Variants in VWA5B2 observed in about 807,000 individuals in gnomAD.
VWA5B2 encodes the protein von Willebrand factor A domain-containing protein 5B2.
VWA5B2 carries 93 observed loss-of-function variants against 118.5 expected under a neutral mutation model. The ratio of observed to expected loss-of-function variants is 0.79; its 90% CI spans 0.66 to 0.93. The LOEUF (loss-of-function observed/expected upper bound fraction) is 0.93. Among genes scored for constraint, VWA5B2 ranks in the 40% least tolerant of loss-of-function variants. The probability of loss-of-function intolerance (pLI) is 0.00; values close to 1 mark genes in which losing one functional copy is unlikely to be tolerated. For synonymous variants in VWA5B2, 708 were observed against 716.3 expected (o/e 0.99, Z 0.19); for missense variants, 1,546 against 1,672.8 (o/e 0.92, Z 1.32).
Position 184,234,268 on chromosome 3 carries a change from C to T in VWA5B2, c.691C>T (p.Leu231=). ...LVTGPCLLAG[L]ESPSHALRAD... Reference sequence around the variant, plus strand: ...CTTCCTGCCTCTATGTCCCTCAGGCCTGGAGAGCCCCTCTCATGCTCTGCG... The same window carrying T: ...CTTCCTGCCTCTATGTCCCTCAGGCTTGGAGAGCCCCTCTCATGCTCTGCG... The change falls in exon 6 of 20, where the codon CTG becomes TTG. Residue 231 remains leucine, a splice_region_variant and synonymous_variant. Coordinates refer to ENST00000691901, the MANE Select transcript of VWA5B2 (RefSeq NM_001390846.1). 6.4e-7 allele frequency: 1 copy of T among 1,551,638 alleles called. No individual in the cohort carries two copies. The highest frequency in any genetic ancestry group is 1.2e-5 in the South Asian group (1 of 84,066).
chr3:184,233,883 G>A lies in VWA5B2; in HGVS notation c.688+150G>A, dbSNP rs968955295. On this transcript the variant is annotated intron_variant, in intron 5 of 19. Transcript: ENST00000691901. The surrounding 1 kb of genome is among the most constrained non-coding windows in gnomAD (Gnocchi z 5.2). ...CGGAACATCTGGGTTAGTGGTGGGA[G>A]CATCCCCTGGTCACCTCTACCCAAC... The A allele has an allele frequency of 4.4e-5, 49 of 1,109,782 alleles. No homozygotes were observed. Among genetic ancestry groups the A allele is most frequent in the Middle Eastern group, 3.0e-4 (1 of 3,316 alleles). 68.7% of individuals were successfully genotyped at this position (1,109,782 alleles called of 1,614,324 possible). A position where few individuals can be genotyped will look rare whatever the true frequency, so the allele number is the denominator to read the frequency against.
chr3:184,238,584 C>T lies in VWA5B2; in HGVS notation c.1913C>T (p.Pro638Leu). The change falls in exon 14 of 20, where the codon CCA becomes CTA. Residue 638 changes from proline (P) to leucine (L), a missense_variant. Physicochemically the swap from Pro to Leu is moderately conservative, Grantham distance 98. Coordinates refer to ENST00000691901, the MANE Select transcript of VWA5B2 (RefSeq NM_001390846.1). The surrounding 1 kb of genome is among the most constrained non-coding windows in gnomAD (Gnocchi z 5.0). ...SEQSTDALTDPVTDPGPNPSD... is the reference protein window; with the variant it reads ...SEQSTDALTDLVTDPGPNPSD... Reference sequence around the variant, plus strand: ...GCAGGTACTGATGCTCTGACAGACCCAGTCACGGATCCTGGACCCAACCCC... The same window carrying T: ...GCAGGTACTGATGCTCTGACAGACCTAGTCACGGATCCTGGACCCAACCCC... The T allele has an allele frequency of 6.5e-7, 1 of 1,550,204 alleles. No homozygotes were observed. Among genetic ancestry groups the T allele is most frequent in the Non-Finnish European group, 8.7e-7 (1 of 1,145,770 alleles).
intron 3 of VWA5B2, among the ~76,000 whole-genome samples, chr3:184,231,798 C>T (rs990337961): frequency 6.6e-6 from 1 of 152,172 alleles, no homozygotes; most frequent in African/African-American, 2.4e-5. Context: ...GATTTGCAAT[C>T]CAGGTAAGAA....
Position 184,233,082 on chromosome 3 carries a change from G to T in VWA5B2, c.311-96G>T. ...AGTGCCAACACGCAAAGTCCCCCTT[G>T]CCCAGGCTCCCTGACCCAATGCCTG... On this transcript the variant is annotated intron_variant, in intron 3 of 19. Coordinates refer to ENST00000691901, the MANE Select transcript of VWA5B2 (RefSeq NM_001390846.1). The surrounding 1 kb of genome is among the most constrained non-coding windows in gnomAD (Gnocchi z 5.2). 3.5e-6 allele frequency: 4 copies of T among 1,155,670 alleles called. No individual in the cohort carries two copies. The highest frequency in any genetic ancestry group is 5.2e-5 in the East Asian group (2 of 38,628). 71.6% of individuals were successfully genotyped at this position (1,155,670 alleles called of 1,614,324 possible).
intron 7 of VWA5B2, 111 bp from the exon 8 acceptor site, chr3:184,235,042 T>C: frequency 1.5e-6 from 2 of 1,316,582 alleles, no homozygotes; most frequent in Non-Finnish European, 2.1e-6. Context: ...CAAAAAGATG[T>C]CCCCTCTGGG....
Position 184,236,739 on chromosome 3 carries a change from T to C in VWA5B2, c.1523T>C (p.Leu508Pro), listed in dbSNP as rs1466523195. ...TACTTCCTGAGGCCTGGGCAGAGGC[T>C]GCAGCCCATGGTGAGCTTGAGCCTG... ...QAYFLRPGQR[L>P]QPMLVQALRK... The change falls in exon 11 of 20, where the codon CTG (leucine) becomes CCG (proline). Residue 508 changes from leucine to proline, a missense_variant. This residue lies in a region of VWA5B2 where 775 missense variants were observed against 882.3 expected (regional missense o/e 0.88). Transcript: ENST00000691901. 3 of 1,531,978 alleles carry C rather than the reference T, an allele frequency of 2.0e-6. No homozygotes were observed. 94.9% of individuals were successfully genotyped at this position (1,531,978 alleles called of 1,614,324 possible). A position where few individuals can be genotyped will look rare whatever the true frequency, so the allele number is the denominator to read the frequency against.
rs779581162 is a variant in VWA5B2, at chr3:184,241,501, G to T, written c.3192G>T (p.Gln1064His). ...DHDYLPLVRL[Q>H]EAPGSFRLDA... Reference sequence around the variant, plus strand: ...TCCTCTCTCCTCAGGTGCGGCTGCAGGAGGCACCAGGCTCCTTCCGCCTGG... The same window carrying T: ...TCCTCTCTCCTCAGGTGCGGCTGCATGAGGCACCAGGCTCCTTCCGCCTGG... The change falls in exon 20 of 20, where the codon CAG (glutamine) becomes CAT (histidine). Residue 1064 changes from glutamine to histidine, a missense_variant. Gln to His is a conservative substitution (Grantham distance 24). Coordinates refer to ENST00000691901, the MANE Select transcript of VWA5B2 (RefSeq NM_001390846.1). This position sits in a 1 kb window ranked among gnomAD's most constrained non-coding sequence, Gnocchi z 5.1. The T allele has an allele frequency of 7.7e-6, 12 of 1,551,824 alleles. No homozygotes were observed. The South Asian group carries it at 1.3e-4, about 17-fold the overall frequency.
chr3:184,239,207 G>A lies in VWA5B2; in HGVS notation c.2203-187G>A, dbSNP rs143315202. Among the ~76,000 whole-genome samples, 591 of 152,294 alleles carry A rather than the reference G, an allele frequency of 3.9e-3. 4 individuals are homozygous for A. The highest frequency in any genetic ancestry group is 0.013 in the African/African-American group (559 of 41,554). ...ACAAGTGGGAAATAGGGAGTGGAGT[G>A]GGATGATGCTGGGAAGGGGCCAAGG... On this transcript the variant is annotated intron_variant, in intron 14 of 19. Transcript: ENST00000691901. This position sits in a 1 kb window ranked among gnomAD's most constrained non-coding sequence, Gnocchi z 5.1.
At position 184,237,322 on chromosome 3, in the gene VWA5B2, C is replaced by A; in HGVS notation, c.1630C>A (p.Arg544=). The A allele has an allele frequency of 1.3e-6, 2 of 1,551,432 alleles. No individual in the cohort carries two copies. Among genetic ancestry groups the A allele is most frequent in the Non-Finnish European group, 1.7e-6 (2 of 1,146,984 alleles). ...PDTVEALLTP[R]EIPALYPGDQ... ...CACTGTGGAGGCACTGCTGACCCCC[C>A]GGGAGATCCCAGCACTCTACCCTGG... is the stretch of plus-strand genomic sequence containing the variant. The change falls in exon 12 of 20, where the codon CGG becomes AGG. Residue 544 remains arginine (R), a synonymous_variant. Coordinates refer to ENST00000691901, the MANE Select transcript of VWA5B2 (RefSeq NM_001390846.1). This position sits in a 1 kb window ranked among gnomAD's most constrained non-coding sequence, Gnocchi z 5.6.
In VWA5B2 at chr3:184,230,564, G is replaced by T; in HGVS notation, c.36G>T (p.Pro12=). 1 of 1,479,612 alleles carries T rather than the reference G, an allele frequency of 6.8e-7. No individual in the cohort carries two copies. The highest frequency in any genetic ancestry group is 8.9e-7 in the Non-Finnish European group (1 of 1,123,122). The allele number at this position is 1,479,612 out of a possible 1,614,324, so 91.7% of individuals were successfully genotyped here. Residue 12 remains proline (P), a synonymous_variant, in exon 2 of 20, where the codon CCG becomes CCT. Coordinates refer to ENST00000691901, the MANE Select transcript of VWA5B2 (RefSeq NM_001390846.1). ...TGTACTGCCCCTCCAGCTGGACGCC[G>T]CTGCCGCTCACGGACTCCTGGGTCC... ...PGLYCPSSWT[P]LPLTDSWVRA... is the part of the protein sequence containing the mutation.
Position 184,234,702 on chromosome 3 carries a change from GC to G in VWA5B2, c.895del (p.Arg299AlafsTer31), listed in dbSNP as rs1717784245. 5 of 1,551,214 alleles carry G rather than the reference GC, an allele frequency of 3.2e-6. No individual in the cohort carries two copies. The highest frequency in any genetic ancestry group is 4.4e-6 in the Non-Finnish European group (5 of 1,146,982). Reference sequence around the variant, plus strand: ...AGCAGAATATGAGGCCCGGGTGAGGGCCCGCCGAGATTTTCAGAGGCTACAG... The same window carrying G: ...AGCAGAATATGAGGCCCGGGTGAGGGCCGCCGAGATTTTCAGAGGCTACAG... ...SSAEYEARVR[A>X]RRDFQRLQRR... On this transcript the variant is annotated frameshift_variant, in exon 7 of 20. Coordinates refer to ENST00000691901, the MANE Select transcript of VWA5B2 (RefSeq NM_001390846.1). LOFTEE classifies it high-confidence loss of function.
chr3:184,237,150 G>A lies in VWA5B2; in HGVS notation c.1534-76G>A. On this transcript the variant is annotated intron_variant, in intron 11 of 19. Transcript: ENST00000691901. The surrounding 1 kb of genome is among the most constrained non-coding windows in gnomAD (Gnocchi z 5.6). ...GGCTGGGCAGATGGCATCAGGGGAA[G>A]GGCAGCCTTCCTGCTCTGTCTGGCC... The A allele has an allele frequency of 6.8e-7, 1 of 1,478,664 alleles. No individual in the cohort carries two copies. Among genetic ancestry groups the A allele is most frequent in the Non-Finnish European group, 9.1e-7 (1 of 1,098,872 alleles). The allele number at this position is 1,478,664 out of a possible 1,614,324, so 91.6% of individuals were successfully genotyped here. A position where few individuals can be genotyped will look rare whatever the true frequency, so the allele number is the denominator to read the frequency against.
Position 184,234,750 on chromosome 3 carries a change from C to G in VWA5B2, c.940C>G (p.Arg314Gly). ...ACAGCGAAGGGACAGTGATGGGGAC[C>G]GGCAGGTACCGCCATAGGAGCCTGG... ...RLQRRDSDGD[R>G]QVWFLQRRFH... The change falls in exon 7 of 20, where the codon CGG becomes GGG. Residue 314 changes from arginine to glycine, a missense_variant. Physicochemically the swap from Arg to Gly is moderately radical, Grantham distance 125. Transcript: ENST00000691901. 1 of 1,550,416 alleles carries G rather than the reference C, an allele frequency of 6.4e-7. No homozygotes were observed. Among genetic ancestry groups the G allele is most frequent in the Non-Finnish European group, 8.7e-7 (1 of 1,146,712 alleles).
intron 16 of VWA5B2, 193 bp from the exon 17 acceptor site, chr3:184,240,598 A>G (rs1319498847): frequency 9.4e-6 from 7 of 748,052 alleles, no homozygotes; most frequent in Admixed American, 5.9e-5. Context: ...TTGCTCTGCT[A>G]TGGGTTGAAG....
intron 3 of VWA5B2, among the ~76,000 whole-genome samples, chr3:184,232,170 G>A (rs895735398): frequency 2.0e-5 from 3 of 152,070 alleles, no homozygotes; most frequent in African/African-American, 7.2e-5. Context: ...CTCCTGTTAT[G>A]GGGGATGAAA....
chr3:184,238,009 T>G lies in VWA5B2; in HGVS notation c.1720-294T>G, dbSNP rs982766942. 6.6e-6 allele frequency among the ~76,000 whole-genome samples: 1 copy of G among 152,162 alleles called. No homozygotes were observed. The highest frequency in any genetic ancestry group is 1.5e-5 in the Non-Finnish European group (1 of 68,028). On this transcript the variant is annotated intron_variant, in intron 12 of 19. Transcript: ENST00000691901. This position sits in a 1 kb window ranked among gnomAD's most constrained non-coding sequence, Gnocchi z 5.0. The stretch of plus-strand genomic sequence containing the variant: ...TGGTAGTTATTTTTTAATGAAAAGC[T>G]TTATCTCTTTAGAAGAACTCTGCAC...
At position 184,236,374 on chromosome 3, in the gene VWA5B2, A is replaced by G; in HGVS notation, c.1244A>G (p.Glu415Gly). The change falls in exon 10 of 20, where the codon GAG becomes GGG. Residue 415 changes from glutamate to glycine, a missense_variant. By Grantham distance (98) the Glu-to-Gly change is moderately conservative. Coordinates refer to ENST00000691901, the MANE Select transcript of VWA5B2 (RefSeq NM_001390846.1). ...DAVQLICESI[E>G]TLQVPSGPPD... The stretch of plus-strand genomic sequence containing the variant: ...GTGCAGCTGATCTGCGAGAGCATTG[A>G]GACCCTGCAGGTTCCGAGTGGGCCC... 6.5e-7 allele frequency: 1 copy of G among 1,546,714 alleles called. No homozygotes were observed. The highest frequency in any genetic ancestry group is 1.2e-5 in the South Asian group (1 of 83,966).
Position 184,242,096 on chromosome 3 carries a change from C to T in VWA5B2, c.*58C>T. 1 of 1,531,012 alleles carries T rather than the reference C, an allele frequency of 6.5e-7. No individual in the cohort carries two copies. Among genetic ancestry groups the T allele is most frequent in the South Asian group, 1.2e-5 (1 of 82,606 alleles). The allele number at this position is 1,531,012 out of a possible 1,614,324, so 94.8% of individuals were successfully genotyped here. A position where few individuals can be genotyped will look rare whatever the true frequency, so the allele number is the denominator to read the frequency against. On this transcript the variant is annotated 3_prime_UTR_variant, in exon 20 of 20. Transcript: ENST00000691901. ...ACCCAACACACTCAAGTCACTGCCG[C>T]CCAGGGCTGGCCTCTTGGTGCTGGG... is the stretch of plus-strand genomic sequence containing the variant.
Position 184,242,181 on chromosome 3 carries a change from C to T in VWA5B2, c.*143C>T. On this transcript the variant is annotated 3_prime_UTR_variant, in exon 20 of 20. Coordinates refer to ENST00000691901, the MANE Select transcript of VWA5B2 (RefSeq NM_001390846.1). Reference sequence around the variant, plus strand: ...CTTCTTACTCCCTCCCTAGAGCCCTCTTGCCCCCACAAAAAGTGCCTGCCT... The same window carrying T: ...CTTCTTACTCCCTCCCTAGAGCCCTTTTGCCCCCACAAAAAGTGCCTGCCT... 1.8e-6 allele frequency: 2 copies of T among 1,096,184 alleles called. No individual in the cohort carries two copies. Among genetic ancestry groups the T allele is most frequent in the Non-Finnish European group, 2.6e-6 (2 of 774,226 alleles). 67.9% of individuals were successfully genotyped at this position (1,096,184 alleles called of 1,614,324 possible).
Sources: allele counts gnomAD v4.1 joint callset (sites outside exome capture counted in the v4.1 genomes callset), GRCh38; gene constraint gnomAD v4.1.1; regional missense constraint gnomAD v4.1.1; non-coding constraint Gnocchi (gnomAD v3.1); transcripts MANE v1.5; gene names NCBI Gene and HGNC (gene_info 2026-07-23, HGNC 2026-07-21).